The following PRICKLE1 variants were observed in gnomAD, a reference collection of about 807,000 sequenced individuals.
PRICKLE1 encodes the protein prickle-like protein 1.
PRICKLE1 carries 14 observed loss-of-function variants against 70.2 expected under a neutral mutation model. The observed-to-expected ratio is 0.20, with a 90% CI of 0.13 to 0.31. The LOEUF (loss-of-function observed/expected upper bound fraction) is 0.31, where lower values mean the gene tolerates loss of function less well. PRICKLE1 is among the 10% of genes least tolerant of loss of function. The pLI is 1.00. For missense variants in PRICKLE1, 821 were observed against 1,026.2 expected (o/e 0.80, Z 2.73); for synonymous variants, 357 against 379.9 (o/e 0.94, Z 0.70).
rs1332245067 is a variant in PRICKLE1, at chr12:42,460,127, C to T, written c.2178G>A (p.Gln726=). 5.0e-6 allele frequency: 8 copies of T among 1,614,090 alleles called. No individual in the cohort carries two copies. The highest frequency in any genetic ancestry group is 2.2e-5 in the East Asian group (1 of 44,882). The change falls in exon 8 of 8, where the codon CAG becomes CAA. Residue 726 remains glutamine, a synonymous_variant. Transcript: ENST00000345127. Reference sequence around the variant, plus strand: ...CGTACTGTCCGTAGAGATCAGCATTCTGGATGTATGCTTGGATCTCCCGGG... The same window carrying T: ...CGTACTGTCCGTAGAGATCAGCATTTTGGATGTATGCTTGGATCTCCCGGG... ...KSAREIQAYI[Q]NADLYGQYAH...
Position 42,464,777 on chromosome 12 carries a change from G to A in PRICKLE1, c.1257C>T (p.Leu419=). The A allele has an allele frequency of 6.2e-7, 1 of 1,614,040 alleles. No homozygotes were observed. Among genetic ancestry groups the A allele is most frequent in the African/African-American group, 1.3e-5 (1 of 74,988 alleles). Residue 419 remains leucine (L), a synonymous_variant, in exon 7 of 8, where the codon CTC becomes CTT. Transcript: ENST00000345127. This position sits in a 1 kb window ranked among gnomAD's most constrained non-coding sequence, Gnocchi z 4.2. ...AGAGGCTTTTATCACCAAACTTGAG[G>A]AGGAGCTGCGTCATATAATCTTCAT... ...ADHEDYMTQL[L]LKFGDKSLFQ...
At chr12:42,530,538 G>A (rs1251784720) in intron 1 of PRICKLE1, among the ~76,000 whole-genome samples, 1 of 151,806 alleles carries the variant, frequency 6.6e-6, no homozygotes, top group African/African-American at 2.4e-5. Context: ...AACTCCTAAA[G>A]GTTCCCAACA....
In PRICKLE1 at chr12:42,510,584, C is replaced by CTT. The variant is rs34928719; in HGVS notation, c.-48-38022_-48-38021dup. 6.6e-3 allele frequency among the ~76,000 whole-genome samples: 1,003 copies of CTT among 151,432 alleles called. 10 individuals are homozygous for CTT. Among genetic ancestry groups the CTT allele is most frequent in the African/African-American group, 0.021 (856 of 41,260 alleles). ...AGCATTTTTAAGGGAGAAAGCATAA[C>CTT]TTTTTTTTTAAAGGTTTTTAATTGG... On this transcript the variant is annotated intron_variant, in intron 1 of 7. Transcript: ENST00000345127.
At position 42,527,128 on chromosome 12, in the gene PRICKLE1, C is replaced by T. The variant is rs1380397054; in HGVS notation, c.-48-54564G>A. Among the ~76,000 whole-genome samples the T allele has an allele frequency of 2.0e-4, 20 of 100,786 alleles. No homozygotes were observed. The East Asian group carries it at 2.2e-3, about 11-fold the overall frequency. 66.1% of individuals were successfully genotyped at this position (100,786 alleles called of 152,430 possible). On this transcript the variant is annotated intron_variant, in intron 1 of 7. Coordinates refer to ENST00000345127, the MANE Select transcript of PRICKLE1 (RefSeq NM_153026.3). The stretch of plus-strand genomic sequence containing the variant: ...AGTGTGCTTTCTTTTTTTTTTTCCT[C>T]TTTTTTTTTTTTTTTTTTTTTTGGG...
chr12:42,586,017 TC>T (rs947808925), intron 1 of PRICKLE1, among the ~76,000 whole-genome samples: 2 of 152,104 alleles, frequency 1.3e-5, no homozygotes, highest in African/African-American at 4.8e-5. Flanking sequence ...TTACTGTACT[TC>T]CCTCTCTCAA....
At position 42,572,464 on chromosome 12, in the gene PRICKLE1, TAAATA is replaced by T. The variant is rs1566132159; in HGVS notation, c.-49+16996_-49+17000del. ...ATAAATAAATAAATAAATAAATAAA[TAAATA>T]AATTAAAAATACTTGTTTTTAAAAT... On this transcript the variant is annotated intron_variant, in intron 1 of 7. Transcript: ENST00000345127. Among the ~76,000 whole-genome samples the T allele has an allele frequency of 1.6e-3, 238 of 148,826 alleles. 3 individuals carry two copies. In the South Asian group the frequency reaches 0.026, roughly 16 times the overall value.
At chr12:42,481,438 G>A (rs940926004) in intron 1 of PRICKLE1, among the ~76,000 whole-genome samples, 2 of 152,148 alleles carry the variant, frequency 1.3e-5, no homozygotes, top group Non-Finnish European at 2.9e-5. Context: ...AACATGCCCA[G>A]GGAAGTTAGA....
At chr12:42,482,645 GTGTT>G (rs1014235707) in intron 1 of PRICKLE1, 1 of 152,226 alleles carries the variant, frequency 6.6e-6, no homozygotes, top group African/African-American at 2.4e-5. Context: ...CTTCAAGAAA[GTGTT>G]TGAGAAGTCA....
At chr12:42,548,478 C>G (rs1940250748) in intron 1 of PRICKLE1, among the ~76,000 whole-genome samples, 1 of 152,178 alleles carries the variant, frequency 6.6e-6, no homozygotes, top group Non-Finnish European at 1.5e-5. Context: ...TCATAGGGTA[C>G]TCCTGAGAAG....
chr12:42,561,868 C>T (rs555985498), intron 1 of PRICKLE1, among the ~76,000 whole-genome samples: 7 of 150,504 alleles, frequency 4.7e-5, no homozygotes, highest in Non-Finnish European at 7.4e-5. Flanking sequence ...AGAAAATAAG[C>T]GAAAATATGA....
At chr12:42,578,809 A>T (rs1278621265) in intron 1 of PRICKLE1, among the ~76,000 whole-genome samples, 1 of 150,714 alleles carries the variant, frequency 6.6e-6, no homozygotes, top group Non-Finnish European at 1.5e-5. Context: ...GTTGACCAAG[A>T]TGGAGTGCAA....
At chr12:42,554,980 A>T (rs1420813850) in intron 1 of PRICKLE1, among the ~76,000 whole-genome samples, 1 of 151,766 alleles carries the variant, frequency 6.6e-6, no homozygotes, top group African/African-American at 2.4e-5. Flanking sequence ...GTGGGTAGCT[A>T]TCAAAATTCT....
intron 1 of PRICKLE1, chr12:42,482,880 A>G (rs1938848852): frequency 6.6e-6 from 1 of 152,092 alleles, no homozygotes; most frequent in South Asian, 2.1e-4. Flanking sequence ...CCGCAGCAGC[A>G]GAGACGCCTC....
At chr12:42,481,314 G>A (rs1281920856) in intron 1 of PRICKLE1, among the ~76,000 whole-genome samples, 3 of 152,158 alleles carry the variant, frequency 2.0e-5, no homozygotes, top group Non-Finnish European at 4.4e-5. Flanking sequence ...TGAAAATGAA[G>A]TATAAGGTCA....
Position 42,560,768 on chromosome 12 carries a change from T to TCA in PRICKLE1, c.-49+28695_-49+28696dup, listed in dbSNP as rs71084672. Among the ~76,000 whole-genome samples the TCA allele has an allele frequency of 5.0e-3, 642 of 127,736 alleles. 8 individuals are homozygous for TCA. The highest frequency in any genetic ancestry group is 0.022 in the Admixed American group (292 of 13,478). 83.8% of individuals were successfully genotyped at this position (127,736 alleles called of 152,430 possible). A position where few individuals can be genotyped will look rare whatever the true frequency, so the allele number is the denominator to read the frequency against. On this transcript the variant is annotated intron_variant, in intron 1 of 7. Coordinates refer to ENST00000345127, the MANE Select transcript of PRICKLE1 (RefSeq NM_153026.3). ...CTTGGCAGGTCAAAAGCCCATCTTCTCACACACACACACACACACACACAC... is the reference window on the plus strand; with the variant it reads ...CTTGGCAGGTCAAAAGCCCATCTTCTCACACACACACACACACACACACACAC...
Position 42,459,256 on chromosome 12 carries a change from GTT to G in PRICKLE1, c.*551_*552del, listed in dbSNP as rs68074167. 29 of 589,800 alleles carry G rather than the reference GTT, an allele frequency of 4.9e-5. No individual in the cohort carries two copies. Among genetic ancestry groups the G allele is most frequent in the Admixed American group, 1.2e-4 (5 of 41,256 alleles). 36.5% of individuals were successfully genotyped at this position (589,800 alleles called of 1,614,324 possible). On this transcript the variant is annotated 3_prime_UTR_variant, in exon 8 of 8. Transcript: ENST00000345127. ...TAAGTTATAAATAGCAATGTTTTTT[GTT>G]TTTTTTTTTCAATCTGTAGCTGGCG...
At chr12:42,508,751 T>C (rs1227026573) in intron 1 of PRICKLE1, among the ~76,000 whole-genome samples, 1 of 151,980 alleles carries the variant, frequency 6.6e-6, no homozygotes, top group African/African-American at 2.4e-5. Context: ...ACTTTCAGGG[T>C]GCTTGGAGAT....
chr12:42,475,759 A>T (rs191946381), intron 1 of PRICKLE1, among the ~76,000 whole-genome samples: 1 of 152,178 alleles, frequency 6.6e-6, no homozygotes, highest in East Asian at 1.9e-4. Context: ...TGACAAAACC[A>T]TTCACTCGCA....
At chr12:42,479,370 G>C (rs1938704036) in intron 1 of PRICKLE1, among the ~76,000 whole-genome samples, 2 of 152,162 alleles carry the variant, frequency 1.3e-5, no homozygotes, top group Admixed American at 1.3e-4. Flanking sequence ...CCCACATAAA[G>C]CCTCCAATAC....
Sources: allele counts gnomAD v4.1 joint callset (sites outside exome capture counted in the v4.1 genomes callset), GRCh38; gene constraint gnomAD v4.1.1; non-coding constraint Gnocchi (gnomAD v3.1); transcripts MANE v1.5; gene names NCBI Gene and HGNC (gene_info 2026-07-23, HGNC 2026-07-21).